LINC00305: variants seen among roughly 807,000 people sequenced by gnomAD.
LINC00305 encodes long independently transcribed non-coding RNA 305.
At chr18:64,113,434 A>G (rs1290452829) in intron 1 of LINC00305, among the ~76,000 whole-genome samples, 1 of 152,176 alleles carries the variant, frequency 6.6e-6, no homozygotes, top group Non-Finnish European at 1.5e-5. Context: ...CCTTGATTTG[A>G]CTATTTCTTT....
At chr18:64,119,981 G>A (rs1160668106) in intron 1 of LINC00305, among the ~76,000 whole-genome samples, 1 of 151,974 alleles carries the variant, frequency 6.6e-6, no homozygotes, top group Non-Finnish European at 1.5e-5. Flanking sequence ...TGGAGAGAAC[G>A]AACAGCCAAT....
At chr18:64,103,898 G>A (rs576112588) in intron 1 of LINC00305, among the ~76,000 whole-genome samples, 2 of 152,312 alleles carry the variant, frequency 1.3e-5, no homozygotes, top group South Asian at 4.1e-4. Flanking sequence ...CAGGGTCACA[G>A]TTACAGGCAC....
intron 2 of LINC00305, chr18:64,098,016 G>C (rs2051252098): frequency 1.1e-5 from 5 of 457,596 alleles, no homozygotes; most frequent in Non-Finnish European, 2.2e-5. Context: ...GGACAGGAGA[G>C]TGGAGAGCAA....
intron 3 of LINC00305, among the ~76,000 whole-genome samples, chr18:64,090,989 T>C (rs573653850): frequency 2.0e-5 from 3 of 152,364 alleles, no homozygotes; most frequent in African/African-American, 7.2e-5. Context: ...CTTTCTGCCA[T>C]TGACTTATGA....
chr18:64,088,015 T>C (rs10163772), intron 3 of LINC00305, among the ~76,000 whole-genome samples: 56,959 of 151,848 alleles, frequency 0.38, 11,787 homozygotes, highest in South Asian at 0.53. Flanking sequence ...CCCAGCTACC[T>C]GGGAGGCTGA....
At chr18:64,101,407 G>GA (rs563164432) in intron 1 of LINC00305, among the ~76,000 whole-genome samples, 6 of 152,212 alleles carry the variant, frequency 3.9e-5, no homozygotes, top group East Asian at 1.9e-4. Context: ...GGGCTTTTGG[G>GA]AAAAAATGTT....
intron 1 of LINC00305, among the ~76,000 whole-genome samples, chr18:64,126,013 A>C (rs1450799070): frequency 6.6e-6 from 1 of 151,940 alleles, no homozygotes; most frequent in Non-Finnish European, 1.5e-5. Flanking sequence ...CAGAAAGAAA[A>C]TCCTTCCTGG....
chr18:64,127,428 G>C (rs532456480), intron 1 of LINC00305: 1 of 152,030 alleles, frequency 6.6e-6, no homozygotes. Flanking sequence ...CGGTGCCAAG[G>C]CCACACCACT....
chr18:64,108,263 G>T (rs1272661935), intron 1 of LINC00305, among the ~76,000 whole-genome samples: 2 of 152,196 alleles, frequency 1.3e-5, no homozygotes, highest in African/African-American at 4.8e-5. Context: ...CTAAGAACTT[G>T]CTTAAATCTA....
chr18:64,123,406 T>G (rs1047009014), intron 1 of LINC00305, among the ~76,000 whole-genome samples: 1 of 152,080 alleles, frequency 6.6e-6, no homozygotes, highest in Admixed American at 6.6e-5. Flanking sequence ...TTAAGACTCA[T>G]AAATTTCAGA....
At chr18:64,134,636 T>G (rs1293486066) in intron 1 of LINC00305, among the ~76,000 whole-genome samples, 1 of 152,222 alleles carries the variant, frequency 6.6e-6, no homozygotes, top group African/African-American at 2.4e-5. Context: ...GATCTGGATA[T>G]TATGACAGCT....
At chr18:64,110,141 G>C (rs2051308926) in intron 1 of LINC00305, among the ~76,000 whole-genome samples, 1 of 152,180 alleles carries the variant, frequency 6.6e-6, no homozygotes, top group African/African-American at 2.4e-5. Flanking sequence ...AGATAGTAGA[G>C]TCAAAATTAT....
chr18:64,147,632 C>A (rs2051504232), intron 1 of LINC00305, among the ~76,000 whole-genome samples: 1 of 152,170 alleles, frequency 6.6e-6, no homozygotes, highest in Non-Finnish European at 1.5e-5. Context: ...CTCAGTCTCT[C>A]TTGAATTAAA....
At chr18:64,087,469 T>C (rs2051207623) in intron 3 of LINC00305, among the ~76,000 whole-genome samples, 1 of 152,222 alleles carries the variant, frequency 6.6e-6, no homozygotes, top group Non-Finnish European at 1.5e-5. Flanking sequence ...CATTTGATAA[T>C]TAATATTTAG....
intron 1 of LINC00305, among the ~76,000 whole-genome samples, chr18:64,120,689 A>G (rs552188094): frequency 6.6e-6 from 1 of 152,280 alleles, no homozygotes; most frequent in African/African-American, 2.4e-5. Flanking sequence ...TCTAGAGAGC[A>G]AGGCATGAAT....
intron 1 of LINC00305, among the ~76,000 whole-genome samples, chr18:64,133,308 A>G (rs1257774052): frequency 1.3e-5 from 2 of 152,224 alleles, no homozygotes; most frequent in Admixed American, 6.5e-5. Context: ...GTGAATTACA[A>G]CAAGTACCCA....
intron 3 of LINC00305, among the ~76,000 whole-genome samples, chr18:64,090,637 A>T (rs2051221430): frequency 6.6e-6 from 1 of 152,228 alleles, no homozygotes; most frequent in African/African-American, 2.4e-5. Flanking sequence ...GTATTCAGAA[A>T]GTGATGTGAT....
intron 3 of LINC00305, among the ~76,000 whole-genome samples, chr18:64,081,597 A>G (rs1188138221): frequency 6.6e-6 from 1 of 152,248 alleles, no homozygotes; most frequent in Non-Finnish European, 1.5e-5. Context: ...GCTTTTGTTT[A>G]ACATACTTGT....
intron 1 of LINC00305, among the ~76,000 whole-genome samples, chr18:64,145,161 G>A (rs113037373): frequency 1.5e-3 from 231 of 152,280 alleles, no homozygotes; most frequent in African/African-American, 5.4e-3. Context: ...GCTAATCATA[G>A]ATTATGGAAA....
Sources: gnomAD v4.1 joint callset for allele counts (sites outside exome capture counted in the v4.1 genomes callset) on GRCh38, gnomAD v4.1.1 for gene constraint, MANE v1.5 for transcripts, NCBI Gene and HGNC (gene_info 2026-07-23, HGNC 2026-07-21) for gene names.